MRPS27: variants seen among roughly 807,000 people sequenced by gnomAD.
The protein encoded by MRPS27 is mitochondrial ribosomal protein S27.
A neutral mutation model predicts 48.9 loss-of-function variants in MRPS27; 43 were observed. The ratio of observed to expected loss-of-function variants is 0.88; its 90% CI spans 0.69 to 1.13. The LOEUF is 1.13. Ranked by LOEUF, MRPS27 falls within the 50% of genes most tolerant of loss-of-function variation. The probability of loss-of-function intolerance (pLI) is 0.00; values close to 1 mark genes in which losing one functional copy is unlikely to be tolerated. For synonymous variants in MRPS27, 188 were observed against 171.9 expected (o/e 1.09, Z -0.73); for missense variants, 467 against 476.3 (o/e 0.98, Z 0.18).
chr5:72,290,671 A>C (rs1235596206), intron 4 of MRPS27, among the ~76,000 whole-genome samples: 1 of 152,228 alleles, frequency 6.6e-6, no homozygotes, highest in African/African-American at 2.4e-5. Context: ...CAAAGGTAGG[A>C]ACCCTTTTCT....
chr5:72,296,370 G>A (rs1006776077), intron 3 of MRPS27, among the ~76,000 whole-genome samples: 1 of 152,146 alleles, frequency 6.6e-6, no homozygotes, highest in Non-Finnish European at 1.5e-5. Context: ...AATCCATTAA[G>A]GGCATATAAA....
chr5:72,289,682 G>C (rs1749768520), intron 4 of MRPS27, among the ~76,000 whole-genome samples: 1 of 152,034 alleles, frequency 6.6e-6, no homozygotes, highest in Non-Finnish European at 1.5e-5. Flanking sequence ...CCCAAGTGCT[G>C]GGATTACAGG....
At chr5:72,244,936 T>A (rs1331024296) in intron 4 of MRPS27, among the ~76,000 whole-genome samples, 2 of 152,214 alleles carry the variant, frequency 1.3e-5, no homozygotes, top group Non-Finnish European at 2.9e-5. Flanking sequence ...TGAAGTCAGT[T>A]GTGTTCTTTG....
chr5:72,246,713 C>T (rs566287014), intron 4 of MRPS27, among the ~76,000 whole-genome samples: 17 of 152,154 alleles, frequency 1.1e-4, no homozygotes, highest in African/African-American at 4.1e-4. Context: ...TTTACTAGCC[C>T]TGTTCTAGGT....
chr5:72,282,417 A>T (rs1160403399), intron 4 of MRPS27, among the ~76,000 whole-genome samples: 1 of 152,186 alleles, frequency 6.6e-6, no homozygotes, highest in Non-Finnish European at 1.5e-5. Flanking sequence ...TTTATATAAT[A>T]AATATAAAAC....
intron 4 of MRPS27, among the ~76,000 whole-genome samples, chr5:72,278,442 CAAAAA>C (rs11296227): frequency 1.1e-5 from 1 of 94,664 alleles, no homozygotes. Flanking sequence ...CTCTCCATCT[CAAAAA>C]AAAAAAAAAA....
At chr5:72,310,610 G>C (rs747124915) in intron 2 of MRPS27, among the ~76,000 whole-genome samples, 1 of 152,222 alleles carries the variant, frequency 6.6e-6, no homozygotes, top group Non-Finnish European at 1.5e-5. Flanking sequence ...GTAGAATACT[G>C]AGTGTTAGCT....
intron 4 of MRPS27, among the ~76,000 whole-genome samples, chr5:72,269,479 T>C (rs1419148229): frequency 6.6e-6 from 1 of 152,220 alleles, no homozygotes; most frequent in Non-Finnish European, 1.5e-5. Context: ...AATTGTAAAC[T>C]TTTTCCTAAA....
At chr5:72,263,591 GTAC>G (rs1749037357) in intron 4 of MRPS27, among the ~76,000 whole-genome samples, 1 of 150,628 alleles carries the variant, frequency 6.6e-6, no homozygotes, top group East Asian at 1.9e-4. Context: ...AAATGGCAAA[GTAC>G]TTTAAGAGAT....
At chr5:72,274,875 G>A (rs536328309) in intron 4 of MRPS27, among the ~76,000 whole-genome samples, 1 of 152,112 alleles carries the variant, frequency 6.6e-6, no homozygotes, top group Non-Finnish European at 1.5e-5. Context: ...TATGCAGTAG[G>A]TGGCTAACTG....
At chr5:72,223,566 G>A (rs1747810230) in intron 10 of MRPS27, 117 bp downstream of exon 10, 1 of 1,254,044 alleles carries the variant, frequency 8.0e-7, no homozygotes, top group East Asian at 2.3e-5. Flanking sequence ...AATTTTTGAT[G>A]TCAGTTTTTA....
chr5:72,310,876 TATG>T (rs1317971368), intron 2 of MRPS27, among the ~76,000 whole-genome samples: 2 of 152,176 alleles, frequency 1.3e-5, no homozygotes, highest in Non-Finnish European at 1.5e-5. Context: ...AGTGAAGGCA[TATG>T]ATATCAGGTA....
At chr5:72,251,862 G>A (rs1748675645) in intron 4 of MRPS27, among the ~76,000 whole-genome samples, 1 of 152,192 alleles carries the variant, frequency 6.6e-6, no homozygotes, top group Non-Finnish European at 1.5e-5. Context: ...CACTGACCCA[G>A]CTTTGTTTCT....
At chr5:72,299,421 A>G (rs567219304) in intron 2 of MRPS27, among the ~76,000 whole-genome samples, 4 of 152,330 alleles carry the variant, frequency 2.6e-5, no homozygotes, top group East Asian at 1.9e-4. Flanking sequence ...GTTCCCCCCA[A>G]AAAAAGAAAT....
chr5:72,310,988 AG>A (rs1490873364), intron 2 of MRPS27, among the ~76,000 whole-genome samples: 1 of 152,210 alleles, frequency 6.6e-6, no homozygotes, highest in African/African-American at 2.4e-5. Context: ...TCCAAGAAAG[AG>A]GAATATTCTA....
chr5:72,287,790 G>A (rs1050656011), intron 4 of MRPS27, among the ~76,000 whole-genome samples: 2 of 152,246 alleles, frequency 1.3e-5, no homozygotes, highest in African/African-American at 4.8e-5. Flanking sequence ...CAAATGTGGA[G>A]GAAGCGGAAC....
chr5:72,242,758 G>T (rs1748395756), intron 4 of MRPS27, among the ~76,000 whole-genome samples: 1 of 151,148 alleles, frequency 6.6e-6, no homozygotes. Flanking sequence ...GGAAAAAAAA[G>T]GAAAATATAG....
intron 9 of MRPS27, among the ~76,000 whole-genome samples, chr5:72,225,126 C>G (rs1249349726): frequency 6.6e-6 from 1 of 152,148 alleles, no homozygotes; most frequent in African/African-American, 2.4e-5. Flanking sequence ...TTTCAATTAC[C>G]AGTACTGACT....
chr5:72,223,259 T>C (rs1370859690), intron 10 of MRPS27, among the ~76,000 whole-genome samples: 1 of 152,200 alleles, frequency 6.6e-6, no homozygotes, highest in Non-Finnish European at 1.5e-5. Flanking sequence ...GCCCACGTCT[T>C]ATCTCTACAC....
Sources: gnomAD v4.1 joint callset for allele counts (sites outside exome capture counted in the v4.1 genomes callset) on GRCh38, gnomAD v4.1.1 for gene constraint, MANE v1.5 for transcripts, NCBI Gene and HGNC (gene_info 2026-07-23, HGNC 2026-07-21) for gene names.